MUC22: variants seen among roughly 807,000 people sequenced by gnomAD.
The protein encoded by MUC22 is mucin 22, also known as mucin-22.
A neutral mutation model predicts 40.3 loss-of-function variants in MUC22; 24 were observed. That is an observed-to-expected ratio of 0.60 (90% CI 0.43 to 0.84). The LOEUF (loss-of-function observed/expected upper bound fraction) is 0.84, where lower values mean the gene tolerates loss of function less well. Ranked by LOEUF, MUC22 falls within the 40% of genes least tolerant of loss-of-function variation. The probability of loss-of-function intolerance (pLI) is 0.00; values close to 1 mark genes in which losing one functional copy is unlikely to be tolerated. For synonymous variants in MUC22, 765 were observed against 844.5 expected (o/e 0.91, Z 1.63); for missense variants, 1,926 against 2,130.7 (o/e 0.90, Z 1.89).
upstream of MUC22, among the ~76,000 whole-genome samples, chr6:31,007,183 G>A (rs1244787513): frequency 6.9e-6 from 1 of 145,950 alleles, no homozygotes; most frequent in Non-Finnish European, 1.5e-5. The surrounding 1 kb of genome is among the most constrained non-coding windows in gnomAD (Gnocchi z 4.0). Context: ...CATAGACAGA[G>A]GAGGGAAAAC....
At chr6:31,034,610 A>T in intron 3 of MUC22, 62 bp from the exon 4 acceptor site, 1 of 1,372,214 alleles carries the variant, frequency 7.3e-7, no homozygotes, top group East Asian at 2.5e-5. Context: ...ACAGGCATGT[A>T]TGGTGATTAG....
chr6:31,012,100 C>T lies in MUC22; in HGVS notation c.70+1324C>T, dbSNP rs142943577. On this transcript the variant is annotated intron_variant, in intron 1 of 3. Coordinates refer to ENST00000561890, the Ensembl canonical transcript of MUC22. The stretch of plus-strand genomic sequence containing the variant: ...TCCAGTCTTTGATTTCTTACATCAA[C>T]ATATCTTCCCTAATTATGAGACACC... Among the ~76,000 whole-genome samples, 961 of 152,328 alleles carry T rather than the reference C, an allele frequency of 6.3e-3. 9 individuals are homozygous for T. Among genetic ancestry groups the T allele is most frequent in the Middle Eastern group, 0.017 (5 of 294 alleles).
exon 4 of MUC22, chr6:31,035,135 A>G: frequency 1.6e-6 from 1 of 613,094 alleles, no homozygotes; most frequent in Non-Finnish European, 2.7e-6. Context: ...ATGGACATGG[A>G]CTAGGTCAAG....
At chr6:31,016,815 G>C (rs938466539) in intron 1 of MUC22, among the ~76,000 whole-genome samples, 1 of 152,206 alleles carries the variant, frequency 6.6e-6, no homozygotes, top group Admixed American at 6.5e-5. Context: ...GCGGGAACCC[G>C]GGCTGCCTGC....
exon 2 of MUC22, chr6:31,029,634 A>T: frequency 1.3e-6 from 2 of 1,535,424 alleles, no homozygotes; most frequent in Non-Finnish European, 1.7e-6. Flanking sequence ...TCTTTACCAC[A>T]GTCTCTGAGA....
exon 1 of MUC22, chr6:31,010,614 G>C: frequency 1.5e-6 from 1 of 684,506 alleles, no homozygotes; most frequent in Non-Finnish European, 2.7e-6. Context: ...TCAAGGCCCA[G>C]GGGGTTTGCC....
At chr6:31,006,716 C>A (rs1763544135), upstream of MUC22, among the ~76,000 whole-genome samples, 1 of 151,980 alleles carries the variant, frequency 6.6e-6, no homozygotes, top group African/African-American at 2.4e-5. Context: ...ATTTATGTTA[C>A]TGGTATTTAA....
rs1012712728 is a variant in MUC22, at chr6:31,032,327, T to A, written c.4801T>A (p.Ser1601Thr). The A allele has an allele frequency of 1.5e-5, 23 of 1,535,438 alleles. No homozygotes were observed. The Admixed American group carries it at 3.3e-4, about 22-fold the overall frequency. Residue 1601 changes from serine to threonine, a missense_variant, in exon 3 of 4, where the codon TCC becomes ACC. Physicochemically the swap from Ser to Thr is moderately conservative, Grantham distance 58. Coordinates refer to ENST00000561890, the Ensembl canonical transcript of MUC22. The surrounding 1 kb of genome is among the most constrained non-coding windows in gnomAD (Gnocchi z 4.1). Reference sequence around the variant, plus strand: ...CTTAAACACCTCTGGCCTGGGTACATCCACTATGGGAGCATCATCTACCAC... The same window carrying A: ...CTTAAACACCTCTGGCCTGGGTACAACCACTATGGGAGCATCATCTACCAC...
intron 1 of MUC22, 151 bp from the exon 2 acceptor site, chr6:31,025,351 G>A (rs9262546): frequency 0.13 from 112,127 of 880,046 alleles, 7,967 homozygotes; most frequent in African/African-American, 0.19. Context: ...TATGCCCAGA[G>A]TTTAGTAAAA....
rs151280770 is a variant in MUC22, at chr6:31,022,460, A to AT, written c.71-3033dup. Among the ~76,000 whole-genome samples the AT allele has an allele frequency of 4.7e-4, 71 of 151,582 alleles. 1 individual carries two copies. The South Asian group carries it at 6.3e-3, about 13-fold the overall frequency. ...GCGTGAATCGACAGGCAAGACTGACATTTTTTTTTAAATGTAAAAGTTCTT... is the reference window on the plus strand; with the variant it reads ...GCGTGAATCGACAGGCAAGACTGACATTTTTTTTTTAAATGTAAAAGTTCTT... On this transcript the variant is annotated intron_variant, in intron 1 of 3. Transcript: ENST00000561890.
chr6:31,016,465 A>T (rs901478075), intron 1 of MUC22, among the ~76,000 whole-genome samples: 1 of 148,728 alleles, frequency 6.7e-6, no homozygotes, highest in African/African-American at 2.5e-5. Flanking sequence ...AGTGTTGGCT[A>T]ATTTCTTTCC....
At position 31,027,436 on chromosome 6, in the gene MUC22, T is replaced by C. The variant is rs559797069; in HGVS notation, c.2005T>C (p.Cys669Arg). 3.2e-4 allele frequency: 496 copies of C among 1,531,260 alleles called. 8 individuals carry two copies. Among genetic ancestry groups the C allele is most frequent in the Middle Eastern group, 1.8e-3 (11 of 5,976 alleles). 94.9% of individuals were successfully genotyped at this position (1,531,260 alleles called of 1,614,324 possible). Reference sequence around the variant, plus strand: ...CACAGACTCAGAGACCACCACCACCTGTACTGAAGGCTCTGAGATGACTGC... The same window carrying C: ...CACAGACTCAGAGACCACCACCACCCGTACTGAAGGCTCTGAGATGACTGC... Residue 669 changes from cysteine (C) to arginine (R), a missense_variant, in exon 2 of 4, where the codon TGT (cysteine) becomes CGT (arginine). Physicochemically the swap from Cys to Arg is radical, Grantham distance 180. Coordinates refer to ENST00000561890, the Ensembl canonical transcript of MUC22.
At chr6:31,022,324 C>T (rs1328151923) in intron 1 of MUC22, among the ~76,000 whole-genome samples, 2 of 152,072 alleles carry the variant, frequency 1.3e-5, no homozygotes, top group Non-Finnish European at 2.9e-5. Context: ...CACACCATGC[C>T]TGGCTAATTT....
chr6:31,032,915 C>T lies in MUC22; in HGVS notation c.5055+334C>T, dbSNP rs1319460905. ...GCGCAGTGGCTCACCCCTGTAATTCCAGCACTTTGGAAGGCCAAGGAGGGC... is the reference window on the plus strand; with the variant it reads ...GCGCAGTGGCTCACCCCTGTAATTCTAGCACTTTGGAAGGCCAAGGAGGGC... On this transcript the variant is annotated intron_variant, in intron 3 of 3. Coordinates refer to ENST00000561890, the Ensembl canonical transcript of MUC22. The surrounding 1 kb of genome is among the most constrained non-coding windows in gnomAD (Gnocchi z 4.1). Among the ~76,000 whole-genome samples the T allele has an allele frequency of 6.6e-6, 1 of 152,116 alleles. No homozygotes were observed. The highest frequency in any genetic ancestry group is 1.5e-5 in the Non-Finnish European group (1 of 68,012).
chr6:31,027,505 G>T (rs1581655308), exon 2 of MUC22: 2 of 1,531,122 alleles, frequency 1.3e-6, no homozygotes, highest in East Asian at 4.9e-5. Flanking sequence ...CTCTACTGAA[G>T]GCTCTGAGAT....
At chr6:31,030,195 A>C (rs1581669634) in intron 2 of MUC22, 95 bp downstream of exon 2, 1 of 1,335,388 alleles carries the variant, frequency 7.5e-7, no homozygotes, top group East Asian at 2.5e-5. Context: ...GCCCTGGTTC[A>C]AGTCAAGCCA....
intron 3 of MUC22, among the ~76,000 whole-genome samples, chr6:31,033,388 C>T (rs990963384): frequency 4.6e-5 from 7 of 152,106 alleles, no homozygotes; most frequent in Admixed American, 6.6e-5. Context: ...ATCCAAAATG[C>T]GGGCTTCCGA....
intron 1 of MUC22, among the ~76,000 whole-genome samples, chr6:31,024,965 G>A (rs1765156505): frequency 6.6e-6 from 1 of 151,250 alleles, no homozygotes; most frequent in Admixed American, 6.6e-5. Context: ...CCGCCTTCCG[G>A]TTCAAGTGAT....
intron 3 of MUC22, among the ~76,000 whole-genome samples, chr6:31,033,710 A>C (rs1447793669): frequency 1.3e-5 from 2 of 152,320 alleles, no homozygotes; most frequent in Middle Eastern, 3.4e-3. Flanking sequence ...GGTAGCTTAA[A>C]ATATGCTGGG....
Sources: gnomAD v4.1 joint callset for allele counts (sites outside exome capture counted in the v4.1 genomes callset) on GRCh38, gnomAD v4.1.1 for gene constraint, Gnocchi (gnomAD v3.1) non-coding constraint, MANE v1.5 for transcripts, NCBI Gene and HGNC (gene_info 2026-07-23, HGNC 2026-07-21) for gene names.